The following PAX9 variants were observed in gnomAD, a reference collection of about 807,000 sequenced individuals.
The protein encoded by PAX9 is paired box 9.
PAX9 carries 6 observed loss-of-function variants against 29.1 expected under a neutral mutation model. That is an observed-to-expected ratio of 0.21 (90% CI 0.11 to 0.41). The LOEUF is 0.41. Ranked by LOEUF, PAX9 falls within the 10% of genes least tolerant of loss-of-function variation. The pLI is 1.00. For missense variants in PAX9, 443 were observed against 479.1 expected (o/e 0.92, Z 0.70); for synonymous variants, 217 against 211.7 (o/e 1.03, Z -0.22).
upstream of PAX9, among the ~76,000 whole-genome samples, chr14:36,660,816 G>T: frequency 6.6e-6 from 1 of 152,154 alleles, no homozygotes; most frequent in Non-Finnish European, 1.5e-5. Flanking sequence ...AACTTTGGCT[G>T]CAAAAAAGCA....
At position 36,662,723 on chromosome 14, in the gene PAX9, C is replaced by A. The variant is rs1881325457; in HGVS notation, c.5-174C>A. 5 of 739,376 alleles carry A rather than the reference C, an allele frequency of 6.8e-6. No homozygotes were observed. In the East Asian group the frequency reaches 1.4e-4, roughly 20 times the overall value. The allele number at this position is 739,376 out of a possible 1,614,324, so 45.8% of individuals were successfully genotyped here. A position where few individuals can be genotyped will look rare whatever the true frequency, so the allele number is the denominator to read the frequency against. On this transcript the variant is annotated intron_variant, in intron 1 of 3. Coordinates refer to ENST00000361487, the MANE Select transcript of PAX9 (RefSeq NM_001372076.1). ...GGGAGGGGGTCCGATTGGACAGTGA[C>A]GGTTTGGGGCCGTTCGGCTATGTTC...
Position 36,676,981 on chromosome 14 carries a change from C to T in PAX9, c.*529C>T, listed in dbSNP as rs891657573. The T allele has an allele frequency of 1.2e-5, 2 of 171,622 alleles. No individual in the cohort carries two copies. Among genetic ancestry groups the T allele is most frequent in the East Asian group, 3.1e-4 (2 of 6,542 alleles). The allele number at this position is 171,622 out of a possible 1,614,324, so 10.6% of individuals were successfully genotyped here. A position where few individuals can be genotyped will look rare whatever the true frequency, so the allele number is the denominator to read the frequency against. ...CAATAAGTGACTTGTTTGAGTGATC[C>T]TTTGTTTAAGACATGACCTATTTTG... On this transcript the variant is annotated 3_prime_UTR_variant, in exon 4 of 4. Transcript: ENST00000361487.
chr14:36,665,284 AC>A (rs762073685), intron 2 of PAX9, among the ~76,000 whole-genome samples: 95 of 152,134 alleles, frequency 6.2e-4, no homozygotes, highest in Admixed American at 1.4e-3. Context: ...GAAAGGAGCA[AC>A]TTTTCCTTTC....
chr14:36,658,102 T>C (rs1881100968), upstream of PAX9, among the ~76,000 whole-genome samples: 1 of 152,090 alleles, frequency 6.6e-6, no homozygotes, highest in South Asian at 2.1e-4. Flanking sequence ...CGCTGCAGTT[T>C]CAGGGAAACT....
rs761015279 is a variant in PAX9, at chr14:36,663,375, G to A, written c.483G>A (p.Ser161=). The A allele has an allele frequency of 2.5e-6, 4 of 1,613,870 alleles. No homozygotes were observed. The highest frequency in any genetic ancestry group is 1.3e-5 in the African/African-American group (1 of 75,054). The change falls in exon 2 of 4, where the codon TCG becomes TCA. Residue 161 remains serine (S), a synonymous_variant. Coordinates refer to ENST00000361487, the MANE Select transcript of PAX9 (RefSeq NM_001372076.1). The part of the protein sequence containing the change: ...QPALPYNHIY[S]YPSPITAAAA... ...CGCTGCCCTACAACCACATCTACTC[G>A]TACCCCAGCCCTATCACGGCGGCGG...
In PAX9 at chr14:36,661,990, G is replaced by A; in HGVS notation, c.-100G>A. The A allele has an allele frequency of 6.8e-7, 1 of 1,474,096 alleles. No homozygotes were observed. The highest frequency in any genetic ancestry group is 9.3e-7 in the Non-Finnish European group (1 of 1,077,988). The allele number at this position is 1,474,096 out of a possible 1,614,324, so 91.3% of individuals were successfully genotyped here. A position where few individuals can be genotyped will look rare whatever the true frequency, so the allele number is the denominator to read the frequency against. ...CCTGGGAAGAAGCGGAGGCGCCGGC[G>A]GTCGGCCGGGATAGCAACAGGCCGG... is the stretch of plus-strand genomic sequence containing the variant. On this transcript the variant is annotated 5_prime_UTR_variant, in exon 1 of 4. Transcript: ENST00000361487.
At chr14:36,669,576 A>T (rs1881634839) in intron 3 of PAX9, among the ~76,000 whole-genome samples, 1 of 152,152 alleles carries the variant, frequency 6.6e-6, no homozygotes, top group Non-Finnish European at 1.5e-5. Context: ...CTTAAAGCAT[A>T]TTTTTCTTGA....
Position 36,678,596 on chromosome 14 carries a change from T to A in PAX9, c.*2144T>A. ...GGGACTCTCCTGTCATCTGAAAAAC[T>A]GATGTAAGGTACAGAACTATTCTTT... On this transcript the variant is annotated 3_prime_UTR_variant, in exon 4 of 4. Transcript: ENST00000361487. 6.6e-7 allele frequency: 1 copy of A among 1,507,214 alleles called. No homozygotes were observed. 93.4% of individuals were successfully genotyped at this position (1,507,214 alleles called of 1,614,324 possible).
chr14:36,668,537 C>T (rs960534324), intron 3 of PAX9, among the ~76,000 whole-genome samples: 3 of 152,148 alleles, frequency 2.0e-5, no homozygotes, highest in African/African-American at 4.8e-5. Context: ...TACAGGCACG[C>T]GCCGCCACAC....
Position 36,678,740 on chromosome 14 carries a change from T to A in PAX9, c.*2288T>A. 1 of 1,156,612 alleles carries A rather than the reference T, an allele frequency of 8.6e-7. No individual in the cohort carries two copies. The highest frequency in any genetic ancestry group is 4.3e-5 in the Admixed American group (1 of 23,424). 71.6% of individuals were successfully genotyped at this position (1,156,612 alleles called of 1,614,324 possible). Reference sequence around the variant, plus strand: ...AGAAATCTCTTGTTATTGTGCTATTTATAATTTTTTTCTGGTTCTTGTATT... The same window carrying A: ...AGAAATCTCTTGTTATTGTGCTATTAATAATTTTTTTCTGGTTCTTGTATT... On this transcript the variant is annotated 3_prime_UTR_variant, in exon 4 of 4. Coordinates refer to ENST00000361487, the MANE Select transcript of PAX9 (RefSeq NM_001372076.1).
intron 3 of PAX9, among the ~76,000 whole-genome samples, chr14:36,669,902 T>G (rs760804313): frequency 6.6e-6 from 1 of 152,048 alleles, no homozygotes; most frequent in Non-Finnish European, 1.5e-5. Context: ...ACAGTTAATA[T>G]TGGGGCTAGA....
In PAX9 at chr14:36,678,384, T is replaced by TA; in HGVS notation, c.*1934dup. 1 of 1,044,766 alleles carries TA rather than the reference T, an allele frequency of 9.6e-7. No individual in the cohort carries two copies. Among genetic ancestry groups the TA allele is most frequent in the Admixed American group, 2.1e-5 (1 of 48,162 alleles). 64.7% of individuals were successfully genotyped at this position (1,044,766 alleles called of 1,614,324 possible). On this transcript the variant is annotated 3_prime_UTR_variant, in exon 4 of 4. Transcript: ENST00000361487. ...ATTCAGTGCTACAAATAGAGGATTATAACTTCAGGAGAAGAATAAGCAGAA... is the reference window on the plus strand; with the variant it reads ...ATTCAGTGCTACAAATAGAGGATTATAAACTTCAGGAGAAGAATAAGCAGAA...
At chr14:36,675,378 C>T (rs1019118210) in intron 3 of PAX9, among the ~76,000 whole-genome samples, 1 of 152,214 alleles carries the variant, frequency 6.6e-6, no homozygotes, top group Non-Finnish European at 1.5e-5. Context: ...CCTGCCGGGA[C>T]TGCTGCATTG....
rs1881995025 is a variant in PAX9 at position 36,678,172 on chromosome 14, TCCA to T, written c.*1725_*1727del. 1 of 421,704 alleles carries T rather than the reference TCCA, an allele frequency of 2.4e-6. No homozygotes were observed. The highest frequency in any genetic ancestry group is 2.0e-5 in the African/African-American group (1 of 50,626). 26.1% of individuals were successfully genotyped at this position (421,704 alleles called of 1,614,324 possible). A position where few individuals can be genotyped will look rare whatever the true frequency, so the allele number is the denominator to read the frequency against. On this transcript the variant is annotated 3_prime_UTR_variant, in exon 4 of 4. Transcript: ENST00000361487. The stretch of plus-strand genomic sequence containing the variant: ...TGCACAGTCTACATGGCAATGCGGT[TCCA>T]CCACATCGGTTTCGTGGCTTCGTTT...
At position 36,679,000 on chromosome 14, in the gene PAX9, T is replaced by TAA. The variant is rs1882049875; in HGVS notation, c.*2551_*2552dup. On this transcript the variant is annotated 3_prime_UTR_variant, in exon 4 of 4. Coordinates refer to ENST00000361487, the MANE Select transcript of PAX9 (RefSeq NM_001372076.1). Reference sequence around the variant, plus strand: ...CATATTTCCTCTATCTCATAGATGGTAAAAGTGTTGCTTTTAAACTGGCAA... The same window carrying TAA: ...CATATTTCCTCTATCTCATAGATGGTAAAAAAGTGTTGCTTTTAAACTGGCAA... 8 of 947,540 alleles carry TAA rather than the reference T, an allele frequency of 8.4e-6. No homozygotes were observed. Among genetic ancestry groups the TAA allele is most frequent in the South Asian group, 5.0e-5 (1 of 19,920 alleles). The allele number at this position is 947,540 out of a possible 1,614,324, so 58.7% of individuals were successfully genotyped here.
Position 36,678,798 on chromosome 14 carries a change from T to A in PAX9, c.*2346T>A. ...ATCTAATATTAATGGTATTGAAGTT[T>A]CCTTTTCTCCCTCTAGGTCTTAACA... On this transcript the variant is annotated 3_prime_UTR_variant, in exon 4 of 4. Coordinates refer to ENST00000361487, the MANE Select transcript of PAX9 (RefSeq NM_001372076.1). 9.8e-7 allele frequency: 1 copy of A among 1,021,276 alleles called. No individual in the cohort carries two copies. The highest frequency in any genetic ancestry group is 4.6e-5 in the South Asian group (1 of 21,840). The allele number at this position is 1,021,276 out of a possible 1,614,324, so 63.3% of individuals were successfully genotyped here.
In PAX9 at chr14:36,666,487, C is replaced by T. The variant is rs754108349; in HGVS notation, c.657C>T (p.Ser219=). Residue 219 remains serine, a synonymous_variant, in exon 3 of 4, where the codon AGC becomes AGT. Transcript: ENST00000361487. ...DQVSDSSPYH[S]PKVEEWSSLG... is the part of the protein sequence containing the mutation. ...TGAGCGACAGCTCCCCCTACCACAG[C>T]CCCAAGGTGGAGGAGTGGAGCAGCC... The T allele has an allele frequency of 6.2e-7, 1 of 1,610,924 alleles. No individual in the cohort carries two copies. The highest frequency in any genetic ancestry group is 1.1e-5 in the South Asian group (1 of 90,324).
chr14:36,676,671 CAA>C lies in PAX9; in HGVS notation c.*220_*221del, dbSNP rs2139123712. 1 of 601,092 alleles carries C rather than the reference CAA, an allele frequency of 1.7e-6. No individual in the cohort carries two copies. The highest frequency in any genetic ancestry group is 3.0e-6 in the Non-Finnish European group (1 of 337,116). The allele number at this position is 601,092 out of a possible 1,614,324, so 37.2% of individuals were successfully genotyped here. A position where few individuals can be genotyped will look rare whatever the true frequency, so the allele number is the denominator to read the frequency against. The stretch of plus-strand genomic sequence containing the variant: ...CTGACATGACTTTAGGATTTAAAAA[CAA>C]GAGCAACAATAAGCATTGAATGAGA... On this transcript the variant is annotated 3_prime_UTR_variant, in exon 4 of 4. Coordinates refer to ENST00000361487, the MANE Select transcript of PAX9 (RefSeq NM_001372076.1).
intron 2 of PAX9, among the ~76,000 whole-genome samples, chr14:36,664,573 T>TTG (rs1388632971): frequency 6.6e-6 from 1 of 151,734 alleles, no homozygotes; most frequent in African/African-American, 2.4e-5. Flanking sequence ...ACTGAGTTTT[T>TTG]TTTTTTTTTT....
Sources: gnomAD v4.1 joint callset for allele counts (sites outside exome capture counted in the v4.1 genomes callset) on GRCh38, gnomAD v4.1.1 for gene constraint, MANE v1.5 for transcripts, NCBI Gene and HGNC (gene_info 2026-07-23, HGNC 2026-07-21) for gene names.